SLC9A9: variants seen among roughly 807,000 people sequenced by gnomAD.
SLC9A9 encodes the protein solute carrier family 9 member A9, also known as sodium/hydrogen exchanger 9.
In SLC9A9, 62 loss-of-function variants were observed where a neutral mutation model predicts 77.8. The ratio of observed to expected loss-of-function variants is 0.80; its 90% CI spans 0.65 to 0.98. The LOEUF is 0.98. Ranked by LOEUF, SLC9A9 falls within the 50% of genes least tolerant of loss-of-function variation. SLC9A9 has a pLI of 0.00. For missense variants in SLC9A9, 775 were observed against 774.9 expected (o/e 1.00, Z 0.00); for synonymous variants, 320 against 283.5 (o/e 1.13, Z -1.29).
intron 12 of SLC9A9, among the ~76,000 whole-genome samples, chr3:143,452,633 TA>T (rs1198931078): frequency 2.0e-5 from 3 of 152,042 alleles, no homozygotes; most frequent in Non-Finnish European, 2.9e-5. Flanking sequence ...TGTCAATTGT[TA>T]AAAAAATTTC....
chr3:143,813,082 AAGGGACT>A (rs1408321087), intron 2 of SLC9A9, among the ~76,000 whole-genome samples: 3 of 152,074 alleles, frequency 2.0e-5, no homozygotes, highest in Non-Finnish European at 4.4e-5. Flanking sequence ...TGTACCGAGT[AAGGGACT>A]AGGGGTGACC....
In SLC9A9 at chr3:143,265,761, G is replaced by A. The variant is rs534501165; in HGVS notation, c.*941C>T. 10 of 490,698 alleles carry A rather than the reference G, an allele frequency of 2.0e-5. No homozygotes were observed. Among genetic ancestry groups the A allele is most frequent in the East Asian group, 3.2e-5 (1 of 31,152 alleles). The allele number at this position is 490,698 out of a possible 1,614,324, so 30.4% of individuals were successfully genotyped here. On this transcript the variant is annotated 3_prime_UTR_variant, in exon 16 of 16. Coordinates refer to ENST00000316549, the MANE Select transcript of SLC9A9 (RefSeq NM_173653.4). Reference sequence around the variant, plus strand: ...ACACATCATTGGCTCTGTTCCTCTCGCCCTGCTCCTGCACTGCTCATCAGC... The same window carrying A: ...ACACATCATTGGCTCTGTTCCTCTCACCCTGCTCCTGCACTGCTCATCAGC...
At position 143,832,013 on chromosome 3, in the gene SLC9A9, C is replaced by A. The variant is rs7653164; in HGVS notation, c.378+6G>T. 5.4e-3 allele frequency: 8,657 copies of A among 1,608,644 alleles called. 252 individuals carry two copies. In the African/African-American group the frequency reaches 0.061, roughly 11 times the overall value. ...ACAAATATATAATACCAGACAGGAT[C>A]CTTACCTTTTCAAGTATAGCATTTC... On this transcript the variant is annotated splice_donor_region_variant and intron_variant, in intron 2 of 15. Transcript: ENST00000316549.
At chr3:143,463,149 CT>C in intron 12 of SLC9A9, among the ~76,000 whole-genome samples, 1 of 152,282 alleles carries the variant, frequency 6.6e-6, no homozygotes, top group East Asian at 1.9e-4. Context: ...GTTGAGGGCA[CT>C]TTTCTAATGT....
At chr3:143,625,017 G>T (rs1391065833) in intron 6 of SLC9A9, among the ~76,000 whole-genome samples, 2 of 152,140 alleles carry the variant, frequency 1.3e-5, no homozygotes, top group Non-Finnish European at 2.9e-5. Flanking sequence ...ATTCACAATT[G>T]CTTCAAAGAG....
chr3:143,330,582 G>T (rs918497421), intron 14 of SLC9A9, among the ~76,000 whole-genome samples: 4 of 152,114 alleles, frequency 2.6e-5, no homozygotes, highest in African/African-American at 7.2e-5. Context: ...GAATTTTCCT[G>T]GGTGTCAAAC....
intron 1 of SLC9A9, among the ~76,000 whole-genome samples, chr3:143,839,182 A>G (rs987025723): frequency 1.3e-5 from 2 of 152,180 alleles, no homozygotes; most frequent in Non-Finnish European, 2.9e-5. Context: ...AAAAAAACTA[A>G]GGAAACTATA....
chr3:143,419,233 C>G lies in SLC9A9; in HGVS notation c.1470-37119G>C, dbSNP rs998955811. On this transcript the variant is annotated intron_variant, in intron 12 of 15. Transcript: ENST00000316549. ...ATACTTACAAAGCACTTACTATGTG[C>G]CAGGCACCACTCTAAGCACCTCACG... Among the ~76,000 whole-genome samples the G allele has an allele frequency of 4.6e-5, 7 of 152,176 alleles. No individual in the cohort carries two copies. In the East Asian group the frequency reaches 1.2e-3, roughly 25 times the overall value.
intron 4 of SLC9A9, among the ~76,000 whole-genome samples, chr3:143,707,369 T>TACACACACACACAC (rs67386185): frequency 2.3e-4 from 35 of 149,238 alleles, no homozygotes; most frequent in African/African-American, 8.7e-4. Context: ...TTTTAAAATC[T>TACACACACACACAC]ACACACACAC....
At chr3:143,676,725 G>A (rs1932903046) in intron 5 of SLC9A9, among the ~76,000 whole-genome samples, 1 of 151,894 alleles carries the variant, frequency 6.6e-6, no homozygotes, top group African/African-American at 2.4e-5. Flanking sequence ...GACAGAGTGA[G>A]ACTCCTTCTC....
chr3:143,390,821 A>C (rs914329979), intron 12 of SLC9A9, among the ~76,000 whole-genome samples: 7 of 152,330 alleles, frequency 4.6e-5, no homozygotes, highest in Admixed American at 4.6e-4. Context: ...CCTGGCTCAG[A>C]GGGTCCCACA....
At chr3:143,792,728 C>G (rs1463984135) in intron 4 of SLC9A9, among the ~76,000 whole-genome samples, 1 of 152,116 alleles carries the variant, frequency 6.6e-6, no homozygotes, top group Non-Finnish European at 1.5e-5. Context: ...CTGGGTGATG[C>G]CATATTCTCC....
At chr3:143,411,734 C>G (rs1033192466) in intron 12 of SLC9A9, among the ~76,000 whole-genome samples, 2 of 152,172 alleles carry the variant, frequency 1.3e-5, no homozygotes, top group African/African-American at 4.8e-5. Flanking sequence ...TCAGCCAGGT[C>G]TCTCTTCCCC....
chr3:143,449,631 AATATAATTATATAAT>A (rs2034938825), intron 12 of SLC9A9, among the ~76,000 whole-genome samples: 1 of 26,408 alleles, frequency 3.8e-5, no homozygotes, highest in Non-Finnish European at 6.3e-5. Flanking sequence ...AATTATATAA[AATATAATTATATAAT>A]ATAATTATAT....
intron 8 of SLC9A9, among the ~76,000 whole-genome samples, chr3:143,573,622 C>T (rs2037306351): frequency 6.6e-6 from 1 of 152,122 alleles, no homozygotes; most frequent in Non-Finnish European, 1.5e-5. Context: ...TGTTTTCCTA[C>T]CTGCCATGGA....
At chr3:143,569,819 T>C (rs765615160) in intron 8 of SLC9A9, among the ~76,000 whole-genome samples, 2,155 of 150,536 alleles carry the variant, frequency 0.014, 27 homozygotes, top group Middle Eastern at 0.068. Context: ...TTTTTCTTTT[T>C]TTTTTTTTTT....
At chr3:143,439,476 C>A (rs78384727) in intron 12 of SLC9A9, among the ~76,000 whole-genome samples, 2 of 152,208 alleles carry the variant, frequency 1.3e-5, no homozygotes, top group East Asian at 3.9e-4. Context: ...GAAGAAGTCA[C>A]CACACTGAGC....
chr3:143,826,468 C>A (rs1315330653), intron 2 of SLC9A9, among the ~76,000 whole-genome samples: 3 of 152,146 alleles, frequency 2.0e-5, no homozygotes, highest in Non-Finnish European at 4.4e-5. Context: ...CTTGCATCTA[C>A]CTCTTGGTTA....
intron 9 of SLC9A9, among the ~76,000 whole-genome samples, chr3:143,512,800 G>A (rs1393345273): frequency 3.9e-5 from 6 of 152,158 alleles, no homozygotes; most frequent in African/African-American, 1.2e-4. Flanking sequence ...GCTTGAACCC[G>A]GGAGGCAGAG....
Sources: allele counts gnomAD v4.1 joint callset (sites outside exome capture counted in the v4.1 genomes callset), GRCh38; gene constraint gnomAD v4.1.1; transcripts MANE v1.5; gene names NCBI Gene and HGNC (gene_info 2026-07-23, HGNC 2026-07-21).